The following NAALADL2 variants were observed in gnomAD, a reference collection of about 807,000 sequenced individuals.
NAALADL2 encodes inactive N-acetylated-alpha-linked acidic dipeptidase-like protein 2.
A neutral mutation model predicts 87.2 loss-of-function variants in NAALADL2; 76 were observed. The ratio of observed to expected loss-of-function variants is 0.87; its 90% CI spans 0.72 to 1.05. NAALADL2 has a LOEUF of 1.05. Ranked by LOEUF, NAALADL2 falls within the 50% of genes least tolerant of loss-of-function variation. The pLI, the probability that NAALADL2 is intolerant of heterozygous loss-of-function variation, is 0.00. For missense variants in NAALADL2, 1,089 were observed against 945.8 expected, an observed-to-expected ratio of 1.15 and a Z score of -1.99; for synonymous variants, 354 against 331.0, an observed-to-expected ratio of 1.07 and a Z score of -0.75.
intron 9 of NAALADL2, among the ~76,000 whole-genome samples, chr3:175,557,490 T>C (rs4563420): frequency 0.081 from 10,863 of 133,490 alleles, 1,249 homozygotes; most frequent in African/African-American, 0.27. Flanking sequence ...TTCTAGGTCT[T>C]ATTCATTCTT....
intron 4 of NAALADL2, among the ~76,000 whole-genome samples, chr3:175,318,173 T>C (rs1481586801): frequency 6.6e-6 from 1 of 152,134 alleles, no homozygotes; most frequent in Non-Finnish European, 1.5e-5. Context: ...TATGGCAATT[T>C]AAATTATATA....
At chr3:174,987,568 C>CAAAAAAAAAAAAAAA (rs1159602995) in intron 1 of NAALADL2, among the ~76,000 whole-genome samples, 3 of 20,850 alleles carry the variant, frequency 1.4e-4, no homozygotes, top group African/African-American at 3.0e-4. Context: ...GACTCCGTCT[C>CAAAAAAAAAAAAAAA]AAAAAAAAAA....
intron 11 of NAALADL2, among the ~76,000 whole-genome samples, chr3:175,691,411 T>C (rs1385130303): frequency 6.6e-6 from 1 of 151,742 alleles, no homozygotes. Flanking sequence ...TGTGTATGTA[T>C]ACACACAAAA....
intron 5 of NAALADL2, among the ~76,000 whole-genome samples, chr3:175,407,724 A>G (rs1341944541): frequency 6.6e-6 from 1 of 152,192 alleles, no homozygotes; most frequent in Non-Finnish European, 1.5e-5. Flanking sequence ...GATGCTATAG[A>G]TTATATTTCT....
At chr3:174,709,444 T>C (rs1433827996) in intron 2 of NAALADL2, among the ~76,000 whole-genome samples, 1 of 152,094 alleles carries the variant, frequency 6.6e-6, no homozygotes, top group Non-Finnish European at 1.5e-5. Context: ...TAGTGACAAA[T>C]TTCTTTAATT....
intron 11 of NAALADL2, among the ~76,000 whole-genome samples, chr3:175,631,610 C>T (rs2149728365): frequency 6.6e-6 from 1 of 151,958 alleles, no homozygotes; most frequent in South Asian, 2.1e-4. Context: ...TATAAAGTTG[C>T]TGAAGGGCAA....
At chr3:175,683,055 T>C (rs992945950) in intron 11 of NAALADL2, among the ~76,000 whole-genome samples, 3 of 151,872 alleles carry the variant, frequency 2.0e-5, no homozygotes, top group Admixed American at 1.3e-4. Context: ...AAACAGAAAA[T>C]TGTGAGAGGT....
chr3:174,998,913 A>G (rs539980407), intron 1 of NAALADL2, among the ~76,000 whole-genome samples: 1 of 152,236 alleles, frequency 6.6e-6, no homozygotes, highest in Non-Finnish European at 1.5e-5. Context: ...ATCATCTATT[A>G]GAAGAATTAA....
intron 1 of NAALADL2, among the ~76,000 whole-genome samples, chr3:174,892,273 C>T (rs1353570931): frequency 6.6e-6 from 1 of 152,106 alleles, no homozygotes; most frequent in African/African-American, 2.4e-5. Flanking sequence ...TGTGACCTTT[C>T]AGACAGAGAA....
At chr3:175,348,602 G>A (rs763380022) in intron 5 of NAALADL2, among the ~76,000 whole-genome samples, 14 of 152,098 alleles carry the variant, frequency 9.2e-5, no homozygotes, top group Non-Finnish European at 1.9e-4. Flanking sequence ...TCAACACTCC[G>A]TGGTGTTCCT....
intron 9 of NAALADL2, among the ~76,000 whole-genome samples, chr3:175,510,780 G>T (rs1237680992): frequency 6.6e-6 from 1 of 152,024 alleles, no homozygotes; most frequent in Admixed American, 6.6e-5. Flanking sequence ...AGAATGCCTG[G>T]ATTTAAATCC....
intron 13 of NAALADL2, among the ~76,000 whole-genome samples, chr3:175,788,933 T>G (rs780980877): frequency 6.3e-4 from 96 of 152,162 alleles, no homozygotes; most frequent in Non-Finnish European, 1.2e-3. Context: ...CTCTAAATTA[T>G]CTCTTTCTGA....
intron 1 of NAALADL2, among the ~76,000 whole-genome samples, chr3:175,087,647 T>G (rs1312743432): frequency 6.6e-6 from 1 of 152,134 alleles, no homozygotes; most frequent in Admixed American, 6.5e-5. Context: ...CTGTGTCCAC[T>G]CAGGGTTAAA....
chr3:175,199,755 CTGAT>C (rs148462138), intron 2 of NAALADL2, among the ~76,000 whole-genome samples: 33,532 of 133,188 alleles, frequency 0.25, 4,930 homozygotes, highest in South Asian at 0.32. Flanking sequence ...TCCAGGAAAA[CTGAT>C]TGATTTGCTG....
intron 2 of NAALADL2, among the ~76,000 whole-genome samples, chr3:174,581,914 T>G (rs1187361620): frequency 6.6e-6 from 1 of 152,240 alleles, no homozygotes; most frequent in Admixed American, 6.5e-5. Context: ...ATCTCTATTG[T>G]GTTAAGCCAT....
At chr3:175,198,305 AAGG>A (rs1476703008) in intron 2 of NAALADL2, among the ~76,000 whole-genome samples, 1 of 152,024 alleles carries the variant, frequency 6.6e-6, no homozygotes, top group East Asian at 1.9e-4. Context: ...GGAAAAAGTG[AAGG>A]AGATTATTTT....
chr3:174,552,615 C>T (rs887549997), intron 2 of NAALADL2, among the ~76,000 whole-genome samples: 3 of 151,356 alleles, frequency 2.0e-5, no homozygotes, highest in East Asian at 2.0e-4. Context: ...GGAAACATGG[C>T]GAAATCCTGT....
In NAALADL2 at chr3:174,822,175, G is replaced by A. The variant is rs984833439; in HGVS notation, c.-9+84429G>A. 9.9e-5 allele frequency among the ~76,000 whole-genome samples: 15 copies of A among 151,920 alleles called. No homozygotes were observed. The South Asian group carries it at 1.5e-3, about 15-fold the overall frequency. ...AGTGACACAAACACACACACAGGGC[G>A]GAGGGAGAGGGGGAGAGAGAGAGTG... On this transcript the variant is annotated intron_variant, in intron 3 of 3. Transcript: ENST00000434257.
chr3:175,461,859 A>G (rs1723179106), intron 6 of NAALADL2, among the ~76,000 whole-genome samples: 1 of 152,112 alleles, frequency 6.6e-6, no homozygotes, highest in African/African-American at 2.4e-5. Flanking sequence ...CAAACATATG[A>G]GCCCAGTGCT....
Sources: allele counts gnomAD v4.1 joint callset (sites outside exome capture counted in the v4.1 genomes callset), GRCh38; gene constraint gnomAD v4.1.1; transcripts MANE v1.5; gene names NCBI Gene and HGNC (gene_info 2026-07-23, HGNC 2026-07-21).